TNNI3K: variants seen among roughly 807,000 people sequenced by gnomAD.
TNNI3K encodes TNNI3 interacting kinase.
TNNI3K carries 140 observed loss-of-function variants against 114.5 expected under a neutral mutation model. The observed-to-expected ratio is 1.22, with a 90% CI of 1.07 to 1.41. The LOEUF (loss-of-function observed/expected upper bound fraction) is 1.41. Ranked by LOEUF, TNNI3K falls within the 40% of genes most tolerant of loss-of-function variation. TNNI3K has a pLI of 0.00. For missense variants in TNNI3K, 1,125 were observed against 1,007.6 expected (o/e 1.12, Z -1.58); for synonymous variants, 347 against 347.5 (o/e 1.00, Z 0.02).
intron 17 of TNNI3K, among the ~76,000 whole-genome samples, chr1:74,424,499 A>G (rs1214172002): frequency 6.6e-6 from 1 of 152,040 alleles, no homozygotes; most frequent in African/African-American, 2.4e-5. Context: ...TGGGTGGACC[A>G]CTTGAGGTCA....
At chr1:74,380,519 G>A (rs1295794912) in intron 17 of TNNI3K, among the ~76,000 whole-genome samples, 2 of 152,212 alleles carry the variant, frequency 1.3e-5, no homozygotes, top group East Asian at 3.9e-4. Context: ...GAGAAGCGAC[G>A]CCCCTCCTGA....
At chr1:74,339,427 T>C (rs1030640145) in intron 7 of TNNI3K, among the ~76,000 whole-genome samples, 3 of 152,102 alleles carry the variant, frequency 2.0e-5, no homozygotes, top group Non-Finnish European at 4.4e-5. Context: ...TATTATTAGT[T>C]AGTTCACTTA....
At chr1:74,436,299 T>G (rs1666126757) in intron 18 of TNNI3K, among the ~76,000 whole-genome samples, 167 bp downstream of exon 18, 1 of 151,980 alleles carries the variant, frequency 6.6e-6, no homozygotes, top group Admixed American at 6.6e-5. Context: ...ACCCTACATT[T>G]TGAAACTCTG....
intron 2 of TNNI3K, among the ~76,000 whole-genome samples, chr1:74,239,681 A>T (rs1248318722): frequency 6.6e-6 from 1 of 152,082 alleles, no homozygotes; most frequent in African/African-American, 2.4e-5. Context: ...TGCTAATTTC[A>T]TTCATTATAA....
intron 4 of TNNI3K, among the ~76,000 whole-genome samples, chr1:74,267,325 G>A (rs1284806909): frequency 6.6e-6 from 1 of 151,918 alleles, no homozygotes; most frequent in East Asian, 1.9e-4. Flanking sequence ...TTCCAGTAGA[G>A]TAAGAGGCTT....
intron 5 of TNNI3K, among the ~76,000 whole-genome samples, chr1:74,273,503 A>G (rs1222519881): frequency 6.6e-6 from 1 of 151,992 alleles, no homozygotes; most frequent in Non-Finnish European, 1.5e-5. Context: ...GGAAAATTAC[A>G]GACTATGTCT....
chr1:74,543,302 G>A (rs1031241859), intron 24 of TNNI3K, among the ~76,000 whole-genome samples: 3 of 151,900 alleles, frequency 2.0e-5, no homozygotes, highest in South Asian at 2.1e-4. Flanking sequence ...TCGATCTCCC[G>A]ACCTCATGAT....
At chr1:74,354,402 G>A (rs1661549180) in intron 11 of TNNI3K, among the ~76,000 whole-genome samples, 2 of 151,808 alleles carry the variant, frequency 1.3e-5, no homozygotes, top group Non-Finnish European at 1.5e-5. Context: ...AAACAAAATT[G>A]TGATAGATAA....
At chr1:74,528,220 T>C (rs1646532293) in intron 23 of TNNI3K, among the ~76,000 whole-genome samples, 2 of 151,966 alleles carry the variant, frequency 1.3e-5, no homozygotes, top group South Asian at 4.2e-4. Flanking sequence ...TGGAAGGAAG[T>C]TGGAGCATAA....
At chr1:74,514,388 C>T (rs1646317025) in intron 23 of TNNI3K, among the ~76,000 whole-genome samples, 1 of 152,036 alleles carries the variant, frequency 6.6e-6, no homozygotes, top group Non-Finnish European at 1.5e-5. Context: ...AGTTCCTTAT[C>T]GAGAGGAAGC....
chr1:74,398,254 G>A (rs967964110), intron 17 of TNNI3K, among the ~76,000 whole-genome samples: 1 of 152,188 alleles, frequency 6.6e-6, no homozygotes, highest in Non-Finnish European at 1.5e-5. Flanking sequence ...CAAGATACAG[G>A]CCACCCAAAC....
intron 15 of TNNI3K, 36 bp from the exon 16 acceptor site, chr1:74,369,355 T>A: frequency 6.2e-7 from 1 of 1,606,626 alleles, no homozygotes; most frequent in East Asian, 2.2e-5. Context: ...TGGATCCATC[T>A]GTTTACTGAA....
At chr1:74,389,904 A>G (rs949897324) in intron 17 of TNNI3K, among the ~76,000 whole-genome samples, 2 of 152,182 alleles carry the variant, frequency 1.3e-5, no homozygotes, top group African/African-American at 4.8e-5. Context: ...CATTAGGAAA[A>G]GGAGAGAGGG....
intron 22 of TNNI3K, among the ~76,000 whole-genome samples, chr1:74,489,997 T>C (rs1181704437): frequency 6.7e-6 from 1 of 149,644 alleles, no homozygotes; most frequent in African/African-American, 2.5e-5. Context: ...AACCTGAGAT[T>C]GCACCACTAA....
intron 21 of TNNI3K, chr1:74,475,504 T>C (rs1249509769): frequency 1.4e-6 from 1 of 716,768 alleles, no homozygotes; most frequent in South Asian, 1.5e-5. Context: ...ACGGTCTTTC[T>C]TTTTCAGGTT....
At chr1:74,366,625 T>A (rs1430292807) in intron 11 of TNNI3K, 1 of 151,934 alleles carries the variant, frequency 6.6e-6, no homozygotes, top group African/African-American at 2.4e-5. Context: ...TCACTTTTGC[T>A]CATATTCCCT....
chr1:74,453,133 G>T (rs1667094715), intron 20 of TNNI3K, among the ~76,000 whole-genome samples: 1 of 151,912 alleles, frequency 6.6e-6, no homozygotes, highest in Non-Finnish European at 1.5e-5. Context: ...ACTTAAAAAA[G>T]GTAAAAATGT....
At chr1:74,303,694 C>G (rs939287682) in intron 5 of TNNI3K, among the ~76,000 whole-genome samples, 13 of 152,298 alleles carry the variant, frequency 8.5e-5, no homozygotes, top group Non-Finnish European at 1.6e-4. Context: ...TTAAGAAATA[C>G]ATTTTGTAAG....
chr1:74,474,573 G>A (rs921634903), intron 21 of TNNI3K, among the ~76,000 whole-genome samples: 1 of 152,156 alleles, frequency 6.6e-6, no homozygotes, highest in African/African-American at 2.4e-5. Context: ...TCAAATAAAT[G>A]ACAGGAACCT....
Sources: allele counts gnomAD v4.1 joint callset (sites outside exome capture counted in the v4.1 genomes callset), GRCh38; gene constraint gnomAD v4.1.1; transcripts MANE v1.5; gene names NCBI Gene and HGNC (gene_info 2026-07-23, HGNC 2026-07-21).